The following TCF4 variants were observed in gnomAD, a reference collection of about 807,000 sequenced individuals.
TCF4 encodes the protein SL3-3 enhancer factor 2.
A neutral mutation model predicts 82.1 loss-of-function variants in TCF4; 3 were observed. The ratio of observed to expected loss-of-function variants is 0.04; its 90% CI spans 0.02 to 0.09. TCF4 has a LOEUF of 0.09. Among genes scored for constraint, TCF4 ranks in the 10% least tolerant of loss-of-function variants. The probability of loss-of-function intolerance (pLI) is 1.00; values close to 1 mark genes in which losing one functional copy is unlikely to be tolerated. For synonymous variants in TCF4, 276 were observed against 309.6 expected (o/e 0.89, Z 1.14); for missense variants, 518 against 852.7 (o/e 0.61, Z 4.89).
chr18:55,504,089 T>C (rs1303239522), intron 3 of TCF4, among the ~76,000 whole-genome samples: 1 of 152,094 alleles, frequency 6.6e-6, no homozygotes, highest in Non-Finnish European at 1.5e-5. Context: ...AAGGAATCTA[T>C]TCTAATTGCC....
At chr18:55,271,840 T>C (rs1182561798) in intron 10 of TCF4, among the ~76,000 whole-genome samples, 1 of 151,862 alleles carries the variant, frequency 6.6e-6, no homozygotes, top group East Asian at 1.9e-4. Context: ...GTAAGCACTA[T>C]AACAAAATGG....
intron 3 of TCF4, among the ~76,000 whole-genome samples, chr18:55,472,157 G>A (rs1277744079): frequency 6.6e-6 from 1 of 152,158 alleles, no homozygotes; most frequent in East Asian, 1.9e-4. Context: ...ATTCCATTGT[G>A]TGCTGTCATA....
intron 5 of TCF4, among the ~76,000 whole-genome samples, chr18:55,441,117 G>A (rs991024159): frequency 6.6e-6 from 1 of 152,212 alleles, no homozygotes; most frequent in African/African-American, 2.4e-5. Context: ...AGCATCATTT[G>A]ATGACCAAAT....
chr18:55,385,805 A>G (rs1375489219), intron 6 of TCF4, among the ~76,000 whole-genome samples: 1 of 152,198 alleles, frequency 6.6e-6, no homozygotes, highest in Admixed American at 6.5e-5. Context: ...AAGAATTCAC[A>G]GCAAAGTTCT....
chr18:55,454,236 C>T (rs1322836792), intron 5 of TCF4, among the ~76,000 whole-genome samples: 2 of 152,116 alleles, frequency 1.3e-5, no homozygotes, highest in East Asian at 3.9e-4. Context: ...CTGAAACAGG[C>T]CACACTGTAA....
At chr18:55,257,181 C>G (rs369976166) in intron 14 of TCF4, 134 bp downstream of exon 14, 1 of 915,504 alleles carries the variant, frequency 1.1e-6, no homozygotes, top group Non-Finnish European at 1.8e-6. Flanking sequence ...CTCTGGCTCC[C>G]GCAAACCTGT....
At chr18:55,586,037 G>T (rs1303281797) in intron 2 of TCF4, 10 of 1,375,646 alleles carry the variant, frequency 7.3e-6, no homozygotes, top group Non-Finnish European at 8.6e-6. Context: ...AAGCAGAAAG[G>T]GGGCTGCAAA....
At chr18:55,265,019 G>C (rs986388872) in intron 11 of TCF4, 1 of 152,184 alleles carries the variant, frequency 6.6e-6, no homozygotes, top group African/African-American at 2.4e-5. Flanking sequence ...TGTATCTTGG[G>C]TTACATGCTA....
At chr18:55,311,354 G>A (rs929932228) in intron 8 of TCF4, among the ~76,000 whole-genome samples, 14 of 152,132 alleles carry the variant, frequency 9.2e-5, no homozygotes, top group African/African-American at 2.9e-4. Flanking sequence ...TGTCTTGCAC[G>A]CTGTTAAGAT....
At chr18:55,251,412 A>T (rs2055053973) in intron 15 of TCF4, among the ~76,000 whole-genome samples, 1 of 152,202 alleles carries the variant, frequency 6.6e-6, no homozygotes, top group Non-Finnish European at 1.5e-5. Context: ...ATGAATCAAA[A>T]GCTAAGGACA....
chr18:55,321,780 T>C, intron 8 of TCF4: 1 of 1,512,014 alleles, frequency 6.6e-7, no homozygotes, highest in South Asian at 1.2e-5. Context: ...CTCTAACAAC[T>C]TTTATTTCAA....
intron 4 of TCF4, among the ~76,000 whole-genome samples, chr18:55,463,783 G>A (rs1313613473): frequency 1.3e-5 from 2 of 152,074 alleles, no homozygotes; most frequent in Non-Finnish European, 2.9e-5. Flanking sequence ...AACATGTAAC[G>A]AAGGAATTTT....
At chr18:55,381,201 G>A (rs973686130) in intron 6 of TCF4, among the ~76,000 whole-genome samples, 1 of 152,202 alleles carries the variant, frequency 6.6e-6, no homozygotes, top group Non-Finnish European at 1.5e-5. Context: ...TTAATAATAA[G>A]TGAATATGTA....
rs532790010 is a variant in TCF4 at position 55,314,724 on chromosome 18, C to T, written c.550-35068G>A. On this transcript the variant is annotated intron_variant, in intron 8 of 19. Coordinates refer to ENST00000354452, the MANE Select transcript of TCF4 (RefSeq NM_001083962.2). ...CAAAGAGGTGAAGATCCAATACACA[C>T]ACTAGATGGCTGACAATAAAAAAAA... Among the ~76,000 whole-genome samples the T allele has an allele frequency of 5.3e-5, 8 of 151,754 alleles. No individual in the cohort carries two copies. In the East Asian group the frequency reaches 1.5e-3, roughly 29 times the overall value.
chr18:55,282,741 T>C lies in TCF4; in HGVS notation c.550-3085A>G, dbSNP rs187574597. 8.6e-4 allele frequency among the ~76,000 whole-genome samples: 131 copies of C among 152,146 alleles called. 1 individual carries two copies. Among genetic ancestry groups the C allele is most frequent in the African/African-American group, 3.1e-3 (128 of 41,556 alleles). ...ACCAGAAAATCAGTCCAATCTAAAA[T>C]GAAATAAAAATCCCAAATTCTAGTA... is the stretch of plus-strand genomic sequence containing the variant. On this transcript the variant is annotated intron_variant, in intron 8 of 19. Transcript: ENST00000354452.
intron 2 of TCF4, among the ~76,000 whole-genome samples, chr18:55,629,521 C>T (rs1029868703): frequency 6.6e-6 from 1 of 152,094 alleles, no homozygotes; most frequent in African/African-American, 2.4e-5. Context: ...GGCTTGGGTG[C>T]TAAAATACAA....
At chr18:55,439,526 G>T (rs1208141791) in intron 5 of TCF4, among the ~76,000 whole-genome samples, 2 of 152,120 alleles carry the variant, frequency 1.3e-5, no homozygotes, top group Non-Finnish European at 2.9e-5. Context: ...CAGTAGTCCA[G>T]GATCTAGCGC....
intron 6 of TCF4, among the ~76,000 whole-genome samples, chr18:55,357,572 G>T (rs1603320941): frequency 6.6e-6 from 1 of 152,228 alleles, no homozygotes; most frequent in South Asian, 2.1e-4. Flanking sequence ...TAAACAAGTA[G>T]CTATAATAAA....
chr18:55,538,447 A>C (rs1304969972), intron 3 of TCF4, among the ~76,000 whole-genome samples: 1 of 152,198 alleles, frequency 6.6e-6, no homozygotes, highest in African/African-American at 2.4e-5. Context: ...AATATATGTA[A>C]AACTTTGTTC....
Sources: gnomAD v4.1 joint callset for allele counts (sites outside exome capture counted in the v4.1 genomes callset) on GRCh38, gnomAD v4.1.1 for gene constraint, MANE v1.5 for transcripts, NCBI Gene and HGNC (gene_info 2026-07-23, HGNC 2026-07-21) for gene names.